The following DLGAP2 variants were observed in gnomAD, a reference collection of about 807,000 sequenced individuals.
DLGAP2 encodes the protein DLG associated protein 2, also known as disks large-associated protein 2.
Under a neutral mutation model 100.3 loss-of-function variants are expected in DLGAP2, and 26 were observed. The observed-to-expected ratio is 0.26, with a 90% CI of 0.19 to 0.36. The LOEUF (loss-of-function observed/expected upper bound fraction) is 0.36. Ranked by LOEUF, DLGAP2 falls within the 10% of genes least tolerant of loss-of-function variation. The probability of loss-of-function intolerance (pLI) is 1.00; values close to 1 mark genes in which losing one functional copy is unlikely to be tolerated. For synonymous variants in DLGAP2, 886 were observed against 630.1 expected (o/e 1.41, Z -6.08); for missense variants, 1,858 against 1,453.2 (o/e 1.28, Z -4.53).
chr8:1,107,185 G>C (rs1431386695), intron 2 of DLGAP2, among the ~76,000 whole-genome samples: 1 of 152,210 alleles, frequency 6.6e-6, no homozygotes, highest in East Asian at 1.9e-4. Context: ...CAGAGGCTTT[G>C]CAGTGCACTG....
At chr8:819,465 T>A (rs1487508823) in intron 1 of DLGAP2, among the ~76,000 whole-genome samples, 1 of 152,220 alleles carries the variant, frequency 6.6e-6, no homozygotes, top group African/African-American at 2.4e-5. Flanking sequence ...CCACAGTCAT[T>A]ACTATTATTC....
Position 1,702,351 on chromosome 8 carries a change from C to T in DLGAP2, c.*945C>T, listed in dbSNP as rs966457105. The T allele has an allele frequency of 1.5e-5, 2 of 137,596 alleles. No homozygotes were observed. The highest frequency in any genetic ancestry group is 3.2e-5 in the Non-Finnish European group (2 of 62,600). The allele number at this position is 137,596 out of a possible 1,614,324, so 8.5% of individuals were successfully genotyped here. On this transcript the variant is annotated 3_prime_UTR_variant, in exon 15 of 15. Transcript: ENST00000637795. ...CAAATTGCTCTATCAGCTGACTTTT[C>T]AGGGTATCCTTAAAAAAAAACACAC...
intron 1 of DLGAP2, among the ~76,000 whole-genome samples, chr8:891,925 T>TGGGG: frequency 6.6e-6 from 1 of 152,298 alleles, no homozygotes; most frequent in East Asian, 1.9e-4. Context: ...CACAGGTGTC[T>TGGGG]GGGGGCTGCG....
At chr8:1,395,005 G>T (rs549803757) in intron 3 of DLGAP2, among the ~76,000 whole-genome samples, 1 of 762 alleles carries the variant, frequency 1.3e-3, no homozygotes, top group Non-Finnish European at 1.9e-3. Context: ...CTTGTCCTCC[G>T]GAGTCGTGTA....
intron 3 of DLGAP2, among the ~76,000 whole-genome samples, chr8:1,471,381 C>T (rs183687788): frequency 4.0e-5 from 6 of 151,018 alleles, no homozygotes; most frequent in African/African-American, 9.8e-5. Context: ...CAGCCTTTCC[C>T]GCCAGCTGCT....
At chr8:1,346,206 C>T (rs530260795) in intron 3 of DLGAP2, among the ~76,000 whole-genome samples, 22 of 151,382 alleles carry the variant, frequency 1.5e-4, no homozygotes, top group Admixed American at 4.6e-4. Context: ...ATTGCACTCA[C>T]GGTAGCTGTG....
At chr8:1,295,072 A>C (rs923826128) in intron 3 of DLGAP2, among the ~76,000 whole-genome samples, 1 of 152,126 alleles carries the variant, frequency 6.6e-6, no homozygotes, top group Admixed American at 6.5e-5. Context: ...TAAAAGGCAA[A>C]CAGCAAACAG....
chr8:1,699,848 A>T (rs1396942960), intron 14 of DLGAP2, among the ~76,000 whole-genome samples: 1 of 152,200 alleles, frequency 6.6e-6, no homozygotes, highest in East Asian at 1.9e-4. Flanking sequence ...GGGAACCCCC[A>T]CAGGAAATAC....
chr8:1,141,228 C>A (rs1267473156), intron 2 of DLGAP2, among the ~76,000 whole-genome samples: 1 of 152,158 alleles, frequency 6.6e-6, no homozygotes, highest in East Asian at 1.9e-4. Context: ...GAGTGTTCAA[C>A]TGAGATTAGA....
intron 3 of DLGAP2, among the ~76,000 whole-genome samples, chr8:1,420,865 C>A (rs1241277234): frequency 6.6e-6 from 1 of 152,190 alleles, no homozygotes; most frequent in East Asian, 1.9e-4. Context: ...CTGCGCAGTC[C>A]TGTTTGGTGT....
chr8:1,281,318 C>T (rs899125645), intron 3 of DLGAP2, among the ~76,000 whole-genome samples: 13 of 152,164 alleles, frequency 8.5e-5, no homozygotes, highest in Non-Finnish European at 1.3e-4. Context: ...GAGGTGCCTC[C>T]GCCCCTCGCT....
At chr8:769,736 G>T (rs1362095222) in intron 1 of DLGAP2, among the ~76,000 whole-genome samples, 2 of 152,060 alleles carry the variant, frequency 1.3e-5, no homozygotes, top group Non-Finnish European at 2.9e-5. Context: ...TTCCTCCTAG[G>T]GACACGAGCC....
rs201982837 is a variant in DLGAP2, at chr8:1,267,634, T to A, written c.106+8751T>A. Among the ~76,000 whole-genome samples, 44 of 19,210 alleles carry A rather than the reference T, an allele frequency of 2.3e-3. 4 individuals are homozygous for A. Among genetic ancestry groups the A allele is most frequent in the African/African-American group, 0.01 (41 of 4,026 alleles). 12.6% of individuals were successfully genotyped at this position (19,210 alleles called of 152,430 possible). On this transcript the variant is annotated intron_variant, in intron 3 of 14. Transcript: ENST00000637795. Reference sequence around the variant, plus strand: ...AAGATAAGATAAGATAAATATTAAATAGGTCTACAAAAAGGCCTCCAGGGT... The same window carrying A: ...AAGATAAGATAAGATAAATATTAAAAAGGTCTACAAAAAGGCCTCCAGGGT...
intron 2 of DLGAP2, among the ~76,000 whole-genome samples, chr8:1,023,832 G>A (rs529244549): frequency 1.5e-4 from 20 of 136,184 alleles, no homozygotes; most frequent in South Asian, 4.5e-4. Context: ...TGGTCTTTCC[G>A]TCTGCAAGTG....
intron 2 of DLGAP2, among the ~76,000 whole-genome samples, chr8:930,106 G>C (rs1319961599): frequency 6.6e-6 from 1 of 152,160 alleles, no homozygotes; most frequent in Admixed American, 6.5e-5. Context: ...TGAAGGCTGA[G>C]AATTCTGACT....
intron 3 of DLGAP2, among the ~76,000 whole-genome samples, chr8:1,413,096 T>C (rs1406914123): frequency 6.6e-6 from 1 of 152,192 alleles, no homozygotes; most frequent in African/African-American, 2.4e-5. Context: ...GTTCTCCTAG[T>C]GTCCCTCTGG....
At chr8:1,347,634 C>T (rs1344359775) in intron 3 of DLGAP2, among the ~76,000 whole-genome samples, 1 of 151,776 alleles carries the variant, frequency 6.6e-6, no homozygotes, top group African/African-American at 2.4e-5. Context: ...CTCATGGTAG[C>T]TGTGTGGAGG....
intron 3 of DLGAP2, among the ~76,000 whole-genome samples, chr8:1,341,891 CTG>C (rs1266922457): frequency 1.7e-4 from 26 of 152,306 alleles, no homozygotes; most frequent in African/African-American, 6.0e-4. Flanking sequence ...GGATTCTAGC[CTG>C]CGGGTGAAGC....
chr8:780,173 C>T (rs1357575633), intron 1 of DLGAP2, among the ~76,000 whole-genome samples: 1 of 152,134 alleles, frequency 6.6e-6, no homozygotes, highest in Admixed American at 6.5e-5. Flanking sequence ...CCAGCCTGGC[C>T]CTCACTGTTC....
Sources: gnomAD v4.1 joint callset for allele counts (sites outside exome capture counted in the v4.1 genomes callset) on GRCh38, gnomAD v4.1.1 for gene constraint, MANE v1.5 for transcripts, NCBI Gene and HGNC (gene_info 2026-07-23, HGNC 2026-07-21) for gene names.